RABGAP1L: variants seen among roughly 807,000 people sequenced by gnomAD.
RABGAP1L encodes the protein rab GTPase-activating protein 1-like.
Under a neutral mutation model 137.7 loss-of-function variants are expected in RABGAP1L, and 63 were observed. That is an observed-to-expected ratio of 0.46 (90% CI 0.37 to 0.56). The LOEUF (loss-of-function observed/expected upper bound fraction) is 0.56. RABGAP1L is among the 20% of genes least tolerant of loss of function. The pLI is 0.00. For synonymous variants in RABGAP1L, 431 were observed against 433.7 expected (o/e 0.99, Z 0.08); for missense variants, 1,095 against 1,244.0 (o/e 0.88, Z 1.80).
In RABGAP1L at chr1:174,973,715, G is replaced by A. The variant is rs561701555; in HGVS notation, c.2545-2363G>A. Among the ~76,000 whole-genome samples the A allele has an allele frequency of 2.0e-5, 3 of 151,872 alleles. No homozygotes were observed. In the East Asian group the frequency reaches 5.8e-4, roughly 29 times the overall value. ...TTACTTTAAAACATTTTCATAAAAT[G>A]TTAAAATTTTAGATGGCTCTCCAAG... On this transcript the variant is annotated intron_variant, in intron 21 of 25. Transcript: ENST00000681986.
rs1266652779 is a variant in RABGAP1L at position 174,354,346 on chromosome 1, T to C, written c.1466-16633T>C. 4.6e-5 allele frequency among the ~76,000 whole-genome samples: 7 copies of C among 152,214 alleles called. No homozygotes were observed. The South Asian group carries it at 1.5e-3, about 32-fold the overall frequency. On this transcript the variant is annotated intron_variant, in intron 11 of 25. Coordinates refer to ENST00000681986, the MANE Select transcript of RABGAP1L (RefSeq NM_001366446.1). The stretch of plus-strand genomic sequence containing the variant: ...TTTGCTTCTAGTCACCTCCAACACT[T>C]GCTTAATTTTTTTATTCTAATTGAT...
At chr1:174,541,315 T>C (rs1229677097) in intron 13 of RABGAP1L, among the ~76,000 whole-genome samples, 1 of 152,178 alleles carries the variant, frequency 6.6e-6, no homozygotes, top group Non-Finnish European at 1.5e-5. Flanking sequence ...TGGCCAGAAC[T>C]TCCAACACTA....
chr1:174,268,704 C>T (rs1379929281), intron 7 of RABGAP1L, among the ~76,000 whole-genome samples: 1 of 151,872 alleles, frequency 6.6e-6, no homozygotes, highest in East Asian at 1.9e-4. Flanking sequence ...TCACTTTTTC[C>T]TGCAGTTAAG....
intron 18 of RABGAP1L, among the ~76,000 whole-genome samples, chr1:174,808,838 G>T (rs995302146): frequency 6.6e-6 from 1 of 151,802 alleles, no homozygotes; most frequent in Admixed American, 6.6e-5. Flanking sequence ...TATATTTTTA[G>T]TAGAGATGGA....
intron 14 of RABGAP1L, among the ~76,000 whole-genome samples, chr1:174,654,193 A>G (rs1289548469): frequency 6.6e-6 from 1 of 152,242 alleles, no homozygotes; most frequent in Non-Finnish European, 1.5e-5. Flanking sequence ...CCACCTTAAT[A>G]TTCCTGCTGT....
intron 18 of RABGAP1L, among the ~76,000 whole-genome samples, chr1:174,767,743 A>G (rs777328035): frequency 7.2e-5 from 11 of 152,094 alleles, no homozygotes; most frequent in Non-Finnish European, 1.3e-4. Context: ...ACAAGATGTC[A>G]TTGTATTAGT....
chr1:174,633,323 C>G (rs1352373514), intron 13 of RABGAP1L, among the ~76,000 whole-genome samples: 5 of 145,008 alleles, frequency 3.4e-5, no homozygotes, highest in East Asian at 4.0e-4. Context: ...ATCCAACTTA[C>G]AAGGGATGTG....
chr1:174,713,828 A>T (rs1680781187), intron 17 of RABGAP1L, among the ~76,000 whole-genome samples: 1 of 152,218 alleles, frequency 6.6e-6, no homozygotes, highest in African/African-American at 2.4e-5. Flanking sequence ...TTGAACCTTT[A>T]TTCTTTCTCC....
At chr1:174,504,994 A>G (rs554593239) in intron 13 of RABGAP1L, among the ~76,000 whole-genome samples, 2 of 152,310 alleles carry the variant, frequency 1.3e-5, no homozygotes, top group South Asian at 4.1e-4. Context: ...TATCCAAAAT[A>G]TATAAGGAAT....
At chr1:174,500,911 C>A (rs1661201094) in intron 13 of RABGAP1L, among the ~76,000 whole-genome samples, 1 of 152,086 alleles carries the variant, frequency 6.6e-6, no homozygotes, top group Non-Finnish European at 1.5e-5. Flanking sequence ...TTGAGACTGT[C>A]TTTTTACCTG....
chr1:174,744,523 AT>A lies in RABGAP1L; in HGVS notation c.2170-7785del, dbSNP rs1211873907. 1.3e-4 allele frequency among the ~76,000 whole-genome samples: 20 copies of A among 152,340 alleles called. 1 individual carries two copies. In the East Asian group the frequency reaches 3.9e-3, roughly 29 times the overall value. On this transcript the variant is annotated intron_variant, in intron 17 of 25. Transcript: ENST00000681986. ...ACTGAGTGGCTTTAAAAGGACAATG[AT>A]TTTTATAGTGAGACATATAGTGATG... is the stretch of plus-strand genomic sequence containing the variant.
At chr1:174,944,985 G>C (rs41498747) in intron 19 of RABGAP1L, among the ~76,000 whole-genome samples, 11,604 of 152,170 alleles carry the variant, frequency 0.076, 638 homozygotes, top group East Asian at 0.32. Flanking sequence ...AATGCTTCAG[G>C]TTTCTTAGCA....
chr1:174,565,883 C>CTTT (rs1557854563), intron 13 of RABGAP1L, among the ~76,000 whole-genome samples: 1 of 133,186 alleles, frequency 7.5e-6, no homozygotes, highest in Non-Finnish European at 1.6e-5. Context: ...GAATCCTTTA[C>CTTT]ATTTTTTTTT....
intron 13 of RABGAP1L, among the ~76,000 whole-genome samples, chr1:174,461,593 G>T (rs142440370): frequency 6.6e-6 from 1 of 152,216 alleles, no homozygotes; most frequent in Admixed American, 6.5e-5. Flanking sequence ...TTCTTGAGCC[G>T]AATTGAATTT....
chr1:174,652,559 G>A (rs1675614683), intron 14 of RABGAP1L, among the ~76,000 whole-genome samples: 2 of 152,170 alleles, frequency 1.3e-5, no homozygotes, highest in Admixed American at 1.3e-4. Context: ...AGGCCCCTCT[G>A]CTACAGGTCT....
chr1:174,896,754 G>A (rs1196203635), intron 19 of RABGAP1L, among the ~76,000 whole-genome samples: 2 of 152,186 alleles, frequency 1.3e-5, no homozygotes, highest in Non-Finnish European at 1.5e-5. Context: ...GGTTGTAGAT[G>A]TGTGGTATTA....
chr1:174,536,886 T>A (rs1403471600), intron 13 of RABGAP1L, among the ~76,000 whole-genome samples: 1 of 152,178 alleles, frequency 6.6e-6, no homozygotes, highest in South Asian at 2.1e-4. Flanking sequence ...CATTTAGATA[T>A]TGGATGTTTA....
At chr1:174,701,388 A>G (rs1484587765) in intron 16 of RABGAP1L, among the ~76,000 whole-genome samples, 2 of 152,218 alleles carry the variant, frequency 1.3e-5, no homozygotes, top group African/African-American at 4.8e-5. Context: ...CTGAAACATC[A>G]TAGACCCCAG....
chr1:174,914,204 G>C (rs1660493703), intron 19 of RABGAP1L, among the ~76,000 whole-genome samples: 1 of 152,188 alleles, frequency 6.6e-6, no homozygotes, highest in South Asian at 2.1e-4. Context: ...AGAGGTCCAA[G>C]GCCAGTAGGG....
Sources: allele counts gnomAD v4.1 joint callset (sites outside exome capture counted in the v4.1 genomes callset), GRCh38; gene constraint gnomAD v4.1.1; transcripts MANE v1.5; gene names NCBI Gene and HGNC (gene_info 2026-07-23, HGNC 2026-07-21).